MYH7B: variants seen among roughly 807,000 people sequenced by gnomAD.
MYH7B encodes the protein myosin heavy chain 7B.
In MYH7B, 205 loss-of-function variants were observed where a neutral mutation model predicts 234.5. That is an observed-to-expected ratio of 0.87 (90% CI 0.78 to 0.98). The LOEUF (loss-of-function observed/expected upper bound fraction) is 0.98. MYH7B is among the 50% of genes least tolerant of loss of function. The pLI, the probability that MYH7B is intolerant of heterozygous loss-of-function variation, is 0.00. For synonymous variants in MYH7B, 1,193 were observed against 1,105.0 expected, an observed-to-expected ratio of 1.08 and a Z score of -1.58; for missense variants, 2,652 against 2,633.4, an observed-to-expected ratio of 1.01 and a Z score of -0.15.
chr20:34,988,400 G>A (rs750813565), intron 19 of MYH7B, 138 bp downstream of exon 19: 37 of 978,578 alleles, frequency 3.8e-5, no homozygotes, highest in Non-Finnish European at 5.1e-5. Flanking sequence ...AAGCATGCAT[G>A]TGAGTGTAGT....
intron 13 of MYH7B, 137 bp downstream of exon 13, chr20:34,985,266 C>T (rs1569040838): frequency 9.4e-6 from 7 of 745,294 alleles, no homozygotes; most frequent in Non-Finnish European, 1.6e-5. Context: ...CTGCCCAGCT[C>T]AGGCCACCTC....
chr20:34,990,423 A>G (rs1448266079), intron 22 of MYH7B, 113 bp downstream of exon 22: 1 of 1,100,804 alleles, frequency 9.1e-7, no homozygotes, highest in African/African-American at 1.5e-5. Flanking sequence ...ACTTGCAGTG[A>G]TGTTTAACTC....
rs754678837 is a variant in MYH7B at position 34,993,450 on chromosome 20, C to G, written c.2424C>G (p.Tyr808Ter). ...GTGGCCGCCTCATGCGCCTTGAGTA[C>G]CAGCGCCTGCTGGGAGGCAGGTGGG... is the stretch of plus-strand genomic sequence containing the variant. The change falls in exon 26 of 45, where the codon TAC becomes TAG. Residue 808 changes from tyrosine (Y) to a stop codon, truncating the protein, a stop_gained. Coordinates refer to ENST00000262873, the Ensembl canonical transcript of MYH7B. LOFTEE classifies it high-confidence loss of function. 1 of 1,605,436 alleles carries G rather than the reference C, an allele frequency of 6.2e-7. No homozygotes were observed. Among genetic ancestry groups the G allele is most frequent in the Non-Finnish European group, 8.5e-7 (1 of 1,177,184 alleles).
chr20:34,974,200 G>A (rs2081822209), intron 2 of MYH7B, among the ~76,000 whole-genome samples: 1 of 145,420 alleles, frequency 6.9e-6, no homozygotes, highest in African/African-American at 2.6e-5. Flanking sequence ...GTGTTGGGAT[G>A]ACAGGCATGA....
chr20:34,997,150 C>T lies in MYH7B; in HGVS notation c.3334C>T (p.Gln1112Ter). 2 of 1,549,684 alleles carry T rather than the reference C, an allele frequency of 1.3e-6. No homozygotes were observed. The highest frequency in any genetic ancestry group is 1.7e-6 in the Non-Finnish European group (2 of 1,146,904). ...CGAGCAGCTCTTGGGGGCCCAGATG[C>T]AGAAGAAGATCAAGGAGCTGCAGGT... Residue 1112 changes from glutamine (Q) to a stop codon, truncating the protein, a stop_gained, in exon 31 of 45, where the codon CAG (glutamine) becomes TAG (stop). Coordinates refer to ENST00000262873, the Ensembl canonical transcript of MYH7B. LOFTEE classifies it high-confidence loss of function.
At chr20:34,999,463 G>T (rs1162388452) in intron 36 of MYH7B, 58 bp downstream of exon 36, 1 of 1,523,870 alleles carries the variant, frequency 6.6e-7, no homozygotes, top group African/African-American at 1.4e-5. Flanking sequence ...GCAACTTTGA[G>T]TTATGGGGGT....
intron 10 of MYH7B, among the ~76,000 whole-genome samples, chr20:34,984,177 T>C (rs1364753184): frequency 6.6e-6 from 1 of 152,222 alleles, no homozygotes; most frequent in Non-Finnish European, 1.5e-5. Context: ...TTGTGCGCAC[T>C]GGTAGGTATA....
At position 34,971,092 on chromosome 20, in the gene MYH7B, T is replaced by C. The variant is rs116170487; in HGVS notation, c.-221-4308T>C. ...TGGGGGCAGCCAGTCTGAGGTACCC[T>C]TGTGTGTGCTCGGGGAGGCCTCAAG... On this transcript the variant is annotated intron_variant, in intron 2 of 44. Coordinates refer to ENST00000262873, the Ensembl canonical transcript of MYH7B. Among the ~76,000 whole-genome samples the C allele has an allele frequency of 9.0e-3, 1,371 of 152,228 alleles. 28 individuals carry two copies. The highest frequency in any genetic ancestry group is 0.031 in the African/African-American group (1,301 of 41,538).
At chr20:34,970,473 A>G (rs1446591594) in intron 2 of MYH7B, among the ~76,000 whole-genome samples, 1 of 152,246 alleles carries the variant, frequency 6.6e-6, no homozygotes, top group Non-Finnish European at 1.5e-5. Context: ...TAGGGGCCCA[A>G]ACAGAGGTGG....
At chr20:34,970,940 G>A (rs1420440381) in intron 2 of MYH7B, among the ~76,000 whole-genome samples, 2 of 152,194 alleles carry the variant, frequency 1.3e-5, no homozygotes, top group African/African-American at 2.4e-5. Flanking sequence ...CTGAGCCACA[G>A]GTTGAACTCA....
exon 28 of MYH7B, chr20:34,995,561 C>G: frequency 6.2e-7 from 1 of 1,613,346 alleles, no homozygotes; most frequent in Non-Finnish European, 8.5e-7. Flanking sequence ...GAAGGAGAAG[C>G]AAGCCACTGA....
exon 28 of MYH7B, chr20:34,995,356 T>C (rs1415771053): frequency 1.9e-6 from 3 of 1,613,196 alleles, no homozygotes; most frequent in Middle Eastern, 1.7e-4. Flanking sequence ...ACCTGGCAGA[T>C]GCCGAGGAGC....
intron 24 of MYH7B, among the ~76,000 whole-genome samples, chr20:34,992,406 A>G (rs951813316): frequency 8.3e-5 from 12 of 144,772 alleles, no homozygotes; most frequent in Middle Eastern, 3.6e-3. Flanking sequence ...AAAAAAAAGA[A>G]TTTTCCCCCA....
Position 34,996,527 on chromosome 20 carries a change from G to C in MYH7B, c.3120+5G>C. 3.1e-6 allele frequency: 5 copies of C among 1,609,410 alleles called. No homozygotes were observed. Among genetic ancestry groups the C allele is most frequent in the Non-Finnish European group, 4.2e-6 (5 of 1,177,778 alleles). On this transcript the variant is annotated splice_donor_5th_base_variant and intron_variant, in intron 29 of 44. Transcript: ENST00000262873. ...CTGGAGCAACAGGTGGAGGACGTGA[G>C]TCAGGGCCACCCCGAGACTGGGTGG...
Position 35,000,568 on chromosome 20 carries a change from C to T in MYH7B, c.5057C>T (p.Ser1686Leu), listed in dbSNP as rs754457537. 9.5e-6 allele frequency: 15 copies of T among 1,571,716 alleles called. No individual in the cohort carries two copies. Among genetic ancestry groups the T allele is most frequent in the South Asian group, 4.5e-5 (4 of 87,970 alleles). The change falls in exon 39 of 45, where the codon TCG becomes TTG. Residue 1686 changes from serine (S) to leucine (L), a missense_variant. Physicochemically the swap from Ser to Leu is moderately radical, Grantham distance 145. This residue lies in a region of MYH7B where 2,279 missense variants were observed against 2,211.4 expected (regional missense o/e 1.03). Coordinates refer to ENST00000262873, the Ensembl canonical transcript of MYH7B. ...GCGCAGGCTCTGGAGCGCCGGGCCT[C>T]GCTGCTGGCTGCGGAGCTGGAGGAG...
intron 7 of MYH7B, 124 bp downstream of exon 7, chr20:34,979,928 A>G: frequency 2.7e-6 from 3 of 1,122,988 alleles, no homozygotes; most frequent in South Asian, 3.0e-5. Context: ...CGGGGCTGTG[A>G]ATGATAGAGC....
At chr20:34,993,015 G>A (rs2082183896) in intron 24 of MYH7B, 87 bp from the exon 25 acceptor site, 2 of 1,508,262 alleles carry the variant, frequency 1.3e-6, no homozygotes, top group African/African-American at 1.4e-5. Context: ...ACCCACACGA[G>A]CCTCCTCAGT....
At chr20:35,002,130 G>A (rs764724065) in intron 44 of MYH7B, 45 bp downstream of exon 44, 1 of 1,607,642 alleles carries the variant, frequency 6.2e-7, no homozygotes, top group East Asian at 2.2e-5. Flanking sequence ...GGGGACTGTG[G>A]GGGCTGACAG....
chr20:35,001,383 G>A (rs1211313271), intron 42 of MYH7B, 34 bp downstream of exon 42: 1 of 1,596,466 alleles, frequency 6.3e-7, no homozygotes, highest in African/African-American at 1.3e-5. Flanking sequence ...GAGTGGCCCT[G>A]GAGCTGGCCC....
Sources: allele counts gnomAD v4.1 joint callset (sites outside exome capture counted in the v4.1 genomes callset), GRCh38; gene constraint gnomAD v4.1.1; regional missense constraint gnomAD v4.1.1; transcripts MANE v1.5; gene names NCBI Gene and HGNC (gene_info 2026-07-23, HGNC 2026-07-21).